Variants in UHRF1 observed in about 807,000 individuals in gnomAD.
The protein encoded by UHRF1 is E3 ubiquitin-protein ligase UHRF1.
Under a neutral mutation model 96.5 loss-of-function variants are expected in UHRF1, and 9 were observed. The ratio of observed to expected loss-of-function variants is 0.09; its 90% CI spans 0.06 to 0.16. The LOEUF is 0.16. Ranked by LOEUF, UHRF1 falls within the 10% of genes least tolerant of loss-of-function variation. The pLI, the probability that UHRF1 is intolerant of heterozygous loss-of-function variation, is 1.00. For missense variants in UHRF1, 626 were observed against 1,131.1 expected (o/e 0.55, Z 6.40); for synonymous variants, 455 against 469.9 (o/e 0.97, Z 0.41).
intron 5 of UHRF1, among the ~76,000 whole-genome samples, chr19:4,938,729 GGTTTTTTTTTTTTT>G (rs2033289900): frequency 1.4e-5 from 1 of 73,914 alleles, no homozygotes; most frequent in South Asian, 4.8e-4. Flanking sequence ...GTTTTGGTCA[GGTTTTTTTTTTTTT>G]TTTTTTTTTT....
intron 2 of UHRF1, among the ~76,000 whole-genome samples, chr19:4,913,443 C>T (rs570177913): frequency 2.6e-5 from 4 of 152,014 alleles, no homozygotes; most frequent in Admixed American, 1.3e-4. Flanking sequence ...TTAGTAGAGA[C>T]GGAGTTTCAC....
At chr19:4,927,332 G>A (rs1292532315) in intron 2 of UHRF1, among the ~76,000 whole-genome samples, 1 of 127,470 alleles carries the variant, frequency 7.8e-6, no homozygotes, top group African/African-American at 3.0e-5. Context: ...AGTGAGCTGA[G>A]ATCACACCCC....
intron 5 of UHRF1, among the ~76,000 whole-genome samples, chr19:4,936,094 CTG>C (rs2033207516): frequency 6.6e-6 from 1 of 152,182 alleles, no homozygotes; most frequent in Non-Finnish European, 1.5e-5. Flanking sequence ...CCCGAGCCCT[CTG>C]GGGATGCAGG....
chr19:4,948,230 G>A (rs577669641), intron 11 of UHRF1, among the ~76,000 whole-genome samples: 16 of 152,214 alleles, frequency 1.1e-4, no homozygotes, highest in African/African-American at 3.9e-4. Context: ...ATGTAAGTGA[G>A]TGAGCATGGC....
intron 5 of UHRF1, among the ~76,000 whole-genome samples, chr19:4,941,084 T>G (rs1568423436): frequency 1.6e-5 from 1 of 63,452 alleles, no homozygotes; most frequent in African/African-American, 7.4e-5. Flanking sequence ...TTCTGTGTTT[T>G]GTTTTTTTTT....
chr19:4,904,422 G>A (rs937831685), intron 1 of UHRF1, among the ~76,000 whole-genome samples: 38 of 151,964 alleles, frequency 2.5e-4, no homozygotes, highest in Admixed American at 1.2e-3. Flanking sequence ...CTCGTGATCC[G>A]CCCACCTTGG....
chr19:4,926,446 G>T (rs1032570008), intron 2 of UHRF1, among the ~76,000 whole-genome samples: 6 of 152,200 alleles, frequency 3.9e-5, no homozygotes, highest in Non-Finnish European at 7.3e-5. Context: ...GATATTGGTG[G>T]GCCCTCGATG....
chr19:4,938,730 GTTTTTTTTTTTT>G (rs71170880), intron 5 of UHRF1, among the ~76,000 whole-genome samples: 66 of 61,588 alleles, frequency 1.1e-3, no homozygotes, highest in South Asian at 7.6e-3. Flanking sequence ...TTTTGGTCAG[GTTTTTTTTTTTT>G]TTTTTTTTTT....
chr19:4,917,809 C>T (rs953197754), intron 2 of UHRF1, among the ~76,000 whole-genome samples: 2 of 151,914 alleles, frequency 1.3e-5, no homozygotes, highest in African/African-American at 2.4e-5. Context: ...AGGTGCCTGC[C>T]ACCACACCCA....
rs534642907 is a variant in UHRF1, at chr19:4,917,841, GA to G, written c.153+6809del. ...CCCAATATTTAAATTTTTATTAATT[GA>G]AAAAACTTTTTTGCAGAGACAGGGT... is the stretch of plus-strand genomic sequence containing the variant. On this transcript the variant is annotated intron_variant, in intron 2 of 16. Coordinates refer to ENST00000650932, the MANE Select transcript of UHRF1 (RefSeq NM_001048201.3). Among the ~76,000 whole-genome samples the G allele has an allele frequency of 1.2e-3, 181 of 151,830 alleles. 2 individuals carry two copies. Among genetic ancestry groups the G allele is most frequent in the African/African-American group, 4.0e-3 (167 of 41,426 alleles).
chr19:4,942,499 A>G (rs940161610), intron 7 of UHRF1, among the ~76,000 whole-genome samples: 3 of 151,154 alleles, frequency 2.0e-5, no homozygotes, highest in African/African-American at 4.9e-5. Flanking sequence ...CTTGAGACGG[A>G]GTCTAATGGC....
intron 5 of UHRF1, among the ~76,000 whole-genome samples, chr19:4,934,063 G>A (rs529285657): frequency 2.0e-4 from 29 of 147,366 alleles, no homozygotes; most frequent in African/African-American, 6.3e-4. Context: ...TCCCTCTGTC[G>A]CCCAGGCTGG....
At position 4,954,223 on chromosome 19, in the gene UHRF1, C is replaced by G; in HGVS notation, c.1819-127C>G. The G allele has an allele frequency of 7.2e-7, 1 of 1,385,820 alleles. No homozygotes were observed. Among genetic ancestry groups the G allele is most frequent in the South Asian group, 1.4e-5 (1 of 73,598 alleles). 85.8% of individuals were successfully genotyped at this position (1,385,820 alleles called of 1,614,324 possible). On this transcript the variant is annotated intron_variant, in intron 13 of 16. Transcript: ENST00000650932. The surrounding 1 kb of genome is among the most constrained non-coding windows in gnomAD (Gnocchi z 5.9). ...CTAGATAAGGGAGGACTACCCTGTG[C>G]TCTTCAGGGGGATTGGGGGTCAGGT... is the stretch of plus-strand genomic sequence containing the variant.
intron 9 of UHRF1, among the ~76,000 whole-genome samples, chr19:4,945,037 G>C (rs546636712): frequency 6.6e-6 from 1 of 152,304 alleles, no homozygotes; most frequent in African/African-American, 2.4e-5. Flanking sequence ...CACTGAGCTG[G>C]GTGGACAAGC....
At chr19:4,946,271 G>A (rs1599288754) in intron 10 of UHRF1, among the ~76,000 whole-genome samples, 1 of 151,770 alleles carries the variant, frequency 6.6e-6, no homozygotes, top group Non-Finnish European at 1.5e-5. Context: ...GAGTGGAATC[G>A]CACGGCCTGC....
At chr19:4,953,960 C>G (rs1042112188) in intron 13 of UHRF1, among the ~76,000 whole-genome samples, 1 of 151,780 alleles carries the variant, frequency 6.6e-6, no homozygotes, top group Non-Finnish European at 1.5e-5. Flanking sequence ...GCAGGAGAAT[C>G]GAGAAGCTGG....
At chr19:4,942,906 C>A (rs1020336008) in intron 7 of UHRF1, among the ~76,000 whole-genome samples, 1 of 152,050 alleles carries the variant, frequency 6.6e-6, no homozygotes, top group East Asian at 1.9e-4. Context: ...CCACTGTACT[C>A]CAGCCTGGGT....
At position 4,960,955 on chromosome 19, in the gene UHRF1, A is replaced by G; in HGVS notation, c.*152A>G. ...TGTCTTCCTTTTTTTTTTTATTTTT[A>G]TTTTTCAAATCTATACATTTTCAGG... On this transcript the variant is annotated 3_prime_UTR_variant, in exon 17 of 17. Transcript: ENST00000650932. The G allele has an allele frequency of 2.0e-6, 1 of 511,498 alleles. No individual in the cohort carries two copies. Among genetic ancestry groups the G allele is most frequent in the Admixed American group, 4.5e-5 (1 of 22,362 alleles). The allele number at this position is 511,498 out of a possible 1,614,324, so 31.7% of individuals were successfully genotyped here.
chr19:4,956,789 C>A lies in UHRF1; in HGVS notation c.2211C>A (p.Thr737=). Residue 737 remains threonine (T), a synonymous_variant, in exon 16 of 17, where the codon ACC becomes ACA. Transcript: ENST00000650932. ...AGCTGGTGTTCCGGCCCATCACGAC[C>A]GTGTGCCAGCACAACGTGTGCAAGG... ...CQELVFRPIT[T]VCQHNVCKDC... 6.2e-7 allele frequency: 1 copy of A among 1,609,440 alleles called. No individual in the cohort carries two copies. Among genetic ancestry groups the A allele is most frequent in the Non-Finnish European group, 8.5e-7 (1 of 1,177,852 alleles).
Sources: gnomAD v4.1 joint callset for allele counts (sites outside exome capture counted in the v4.1 genomes callset) on GRCh38, gnomAD v4.1.1 for gene constraint, Gnocchi (gnomAD v3.1) non-coding constraint, MANE v1.5 for transcripts, NCBI Gene and HGNC (gene_info 2026-07-23, HGNC 2026-07-21) for gene names.